SEC11A: variants seen among roughly 807,000 people sequenced by gnomAD.
SEC11A encodes signal peptidase complex catalytic subunit SEC11A.
Under a neutral mutation model 25.6 loss-of-function variants are expected in SEC11A, and 14 were observed. That is an observed-to-expected ratio of 0.55 (90% CI 0.36 to 0.85). The LOEUF is 0.85. Among genes scored for constraint, SEC11A ranks in the 40% least tolerant of loss-of-function variants. SEC11A has a pLI of 0.01. For synonymous variants in SEC11A, 83 were observed against 76.4 expected, an observed-to-expected ratio of 1.09 and a Z score of -0.45; for missense variants, 153 against 222.9, an observed-to-expected ratio of 0.69 and a Z score of 2.00.
At chr15:84,696,865 T>C (rs1897782974) in intron 1 of SEC11A, among the ~76,000 whole-genome samples, 1 of 152,082 alleles carries the variant, frequency 6.6e-6, no homozygotes, top group African/African-American at 2.4e-5. Context: ...TAATTAGACA[T>C]TTAATAAGAT....
Position 84,715,138 on chromosome 15 carries a change from C to CA in SEC11A, c.51+886dup, listed in dbSNP as rs1454907441. Among the ~76,000 whole-genome samples, 14 of 151,438 alleles carry CA rather than the reference C, an allele frequency of 9.2e-5. No individual in the cohort carries two copies. The South Asian group carries it at 2.7e-3, about 29-fold the overall frequency. ...CTTCCCTAAGTGGCAGTTATAAGTA[C>CA]AAAAAATGCAAGTCCAAGGAAAAAA... On this transcript the variant is annotated intron_variant, in intron 1 of 5. Coordinates refer to ENST00000268220, the MANE Select transcript of SEC11A (RefSeq NM_014300.4).
At chr15:84,675,607 A>C (rs1012898184) in intron 4 of SEC11A, among the ~76,000 whole-genome samples, 4 of 152,204 alleles carry the variant, frequency 2.6e-5, no homozygotes, top group Admixed American at 6.5e-5. Flanking sequence ...GTTAACAGAG[A>C]GCTCAATTAC....
chr15:84,672,024 G>C (rs964056711), intron 4 of SEC11A: 1 of 152,290 alleles, frequency 6.6e-6, no homozygotes, highest in Non-Finnish European at 1.5e-5. Flanking sequence ...TACTAAGCTA[G>C]AGCCTGTCAT....
At chr15:84,704,844 T>C (rs1898047904) in intron 1 of SEC11A, among the ~76,000 whole-genome samples, 2 of 152,176 alleles carry the variant, frequency 1.3e-5, no homozygotes, top group South Asian at 4.2e-4. Flanking sequence ...TAAGGTGCTT[T>C]CTTAGTTCTT....
intron 5 of SEC11A, 120 bp from the exon 6 acceptor site, chr15:84,670,189 T>C (rs752594434): frequency 4.8e-6 from 4 of 832,112 alleles, no homozygotes; most frequent in Non-Finnish European, 7.3e-6. Flanking sequence ...TATTCTTTCA[T>C]CTTTTAACTA....
At chr15:84,707,477 C>T (rs535241994) in intron 1 of SEC11A, among the ~76,000 whole-genome samples, 1 of 152,236 alleles carries the variant, frequency 6.6e-6, no homozygotes, top group African/African-American at 2.4e-5. Flanking sequence ...AACCACCGTG[C>T]CCGGCTGAGG....
At chr15:84,682,471 CAG>C (rs1897305842) in intron 3 of SEC11A, among the ~76,000 whole-genome samples, 1 of 152,044 alleles carries the variant, frequency 6.6e-6, no homozygotes, top group Non-Finnish European at 1.5e-5. Flanking sequence ...TGTTTTGAGA[CAG>C]AGTCTCACAC....
At chr15:84,712,336 T>A (rs1275384967) in intron 1 of SEC11A, among the ~76,000 whole-genome samples, 1 of 151,988 alleles carries the variant, frequency 6.6e-6, no homozygotes, top group African/African-American at 2.4e-5. Context: ...CTGGGGAGGA[T>A]GTGGAGCAAC....
chr15:84,688,617 C>A (rs1189241438), intron 2 of SEC11A, among the ~76,000 whole-genome samples: 1 of 152,148 alleles, frequency 6.6e-6, no homozygotes, highest in Admixed American at 6.5e-5. Context: ...AAATAAAGTT[C>A]AACGCAGGAA....
chr15:84,693,463 CTT>C (rs11453399), intron 1 of SEC11A, among the ~76,000 whole-genome samples: 1 of 143,752 alleles, frequency 7.0e-6, no homozygotes, highest in Non-Finnish European at 1.5e-5. Flanking sequence ...TTTTTCTCTT[CTT>C]TTTTTTTTTT....
At chr15:84,708,071 C>T (rs546684919) in intron 1 of SEC11A, among the ~76,000 whole-genome samples, 5 of 151,716 alleles carry the variant, frequency 3.3e-5, no homozygotes, top group South Asian at 4.2e-4. Flanking sequence ...ATTAGCCAGG[C>T]GTGGTGGCAC....
At chr15:84,713,502 C>A (rs926962059) in intron 1 of SEC11A, among the ~76,000 whole-genome samples, 5 of 152,158 alleles carry the variant, frequency 3.3e-5, no homozygotes, top group Admixed American at 6.6e-5. Flanking sequence ...CTCTCCCTCA[C>A]CCCATGTTAT....
At chr15:84,684,081 G>GTA (rs1897351661) in intron 3 of SEC11A, among the ~76,000 whole-genome samples, 1 of 152,198 alleles carries the variant, frequency 6.6e-6, no homozygotes, top group South Asian at 2.1e-4. Context: ...ACAGAATAAT[G>GTA]TATCCATCTG....
intron 1 of SEC11A, chr15:84,692,200 T>C (rs1481701387): frequency 6.6e-6 from 1 of 152,056 alleles, no homozygotes; most frequent in Non-Finnish European, 1.5e-5. Context: ...CAGCTAATTT[T>C]TTTGAATTTT....
At chr15:84,713,889 C>T (rs577217481) in intron 1 of SEC11A, among the ~76,000 whole-genome samples, 1 of 152,102 alleles carries the variant, frequency 6.6e-6, no homozygotes, top group Non-Finnish European at 1.5e-5. Flanking sequence ...TGAAGCTGTT[C>T]GTAATGCCCT....
chr15:84,712,241 TAA>T (rs60405847), intron 1 of SEC11A, among the ~76,000 whole-genome samples: 28 of 147,386 alleles, frequency 1.9e-4, no homozygotes, highest in Admixed American at 2.0e-4. Context: ...GACCTTGTCT[TAA>T]AAAAAAAAAA....
chr15:84,682,236 G>T (rs1372143316), intron 3 of SEC11A, among the ~76,000 whole-genome samples: 3 of 151,830 alleles, frequency 2.0e-5, no homozygotes, highest in African/African-American at 7.3e-5. Context: ...AAAGGTATTA[G>T]ACAAGATCTA....
Position 84,680,604 on chromosome 15 carries a change from G to C in SEC11A, c.431+109C>G, listed in dbSNP as rs1897262271. The C allele has an allele frequency of 1.1e-5, 13 of 1,157,532 alleles. No homozygotes were observed. In the Admixed American group the frequency reaches 2.9e-4, roughly 26 times the overall value. The allele number at this position is 1,157,532 out of a possible 1,614,324, so 71.7% of individuals were successfully genotyped here. ...CAAAGGACACAAGGGTGATTTGGTGGAACCAGAACCAAATCTCTATATTCA... is the reference window on the plus strand; with the variant it reads ...CAAAGGACACAAGGGTGATTTGGTGCAACCAGAACCAAATCTCTATATTCA... On this transcript the variant is annotated intron_variant, in intron 4 of 5. Coordinates refer to ENST00000268220, the MANE Select transcript of SEC11A (RefSeq NM_014300.4).
intron 1 of SEC11A, among the ~76,000 whole-genome samples, chr15:84,693,520 T>C (rs1241171973): frequency 2.0e-5 from 3 of 150,522 alleles, no homozygotes; most frequent in African/African-American, 7.3e-5. Context: ...TGCAGTGACA[T>C]GATCTCAGCT....
Sources: gnomAD v4.1 joint callset for allele counts (sites outside exome capture counted in the v4.1 genomes callset) on GRCh38, gnomAD v4.1.1 for gene constraint, MANE v1.5 for transcripts, NCBI Gene and HGNC (gene_info 2026-07-23, HGNC 2026-07-21) for gene names.